The following REG3A variants were observed in gnomAD, a reference collection of about 807,000 sequenced individuals.
REG3A encodes the protein regenerating islet-derived protein 3-alpha.
REG3A carries 15 observed loss-of-function variants against 20.5 expected under a neutral mutation model. The observed-to-expected ratio is 0.73, with a 90% confidence interval of 0.49 to 1.12. The LOEUF (loss-of-function observed/expected upper bound fraction) is 1.12, where lower values mean the gene tolerates loss of function less well. Among genes scored for constraint, REG3A ranks in the 50% most tolerant of loss-of-function variants. REG3A has a pLI of 0.00. For missense variants in REG3A, 224 were observed against 213.1 expected, an observed-to-expected ratio of 1.05 and a Z score of -0.32; for synonymous variants, 93 against 83.2, an observed-to-expected ratio of 1.12 and a Z score of -0.64.
In REG3A at chr2:79,159,277, G is replaced by A. The variant is rs573422152; in HGVS notation, c.76+53C>T. On this transcript the variant is annotated intron_variant, in intron 2 of 5. Transcript: ENST00000305165. ...GACACACAGGAGCCTTCCTCCTCTT[G>A]TTAGCTCTGAGGATTCATAGGGAAC... 1.1e-5 allele frequency: 18 copies of A among 1,573,390 alleles called. No individual in the cohort carries two copies. The African/African-American group carries it at 1.9e-4, about 17-fold the overall frequency.
intron 5 of REG3A, 72 bp from the exon 6 acceptor site, chr2:79,157,365 T>C (rs1402438086): frequency 6.6e-7 from 1 of 1,513,012 alleles, no homozygotes; most frequent in East Asian, 2.3e-5. Flanking sequence ...GCATCCCAGG[T>C]TTTAGCCTAG....
rs1158606988 is a variant in REG3A, at chr2:79,159,338, T to C, written c.68A>G (p.Gln23Arg). Reference protein sequence around the residue: ...MLLSCLMLLSQVQGEEPQREL... With the variant: ...MLLSCLMLLSRVQGEEPQREL... ...AGGCAAAGCAATCTCACCTTGAACC[T>C]GAGACAGCAGCATGAGGCAGGAAAG... is the stretch of plus-strand genomic sequence containing the variant. The change falls in exon 2 of 6, where the codon CAG (glutamine) becomes CGG (arginine). Residue 23 changes from glutamine (Q) to arginine (R), a missense_variant. Gln to Arg is a conservative substitution (Grantham distance 43). Coordinates refer to ENST00000305165, the MANE Select transcript of REG3A (RefSeq NM_002580.3). 1.2e-6 allele frequency: 2 copies of C among 1,613,708 alleles called. No individual in the cohort carries two copies. The highest frequency in any genetic ancestry group is 2.7e-5 in the African/African-American group (2 of 74,800).
intron 2 of REG3A, 113 bp from the exon 3 acceptor site, chr2:79,158,882 C>G: frequency 1.4e-6 from 1 of 738,910 alleles, no homozygotes; most frequent in South Asian, 1.8e-5. Flanking sequence ...ATTCCTGACA[C>G]CCCTTCATCT....
intron 3 of REG3A, 33 bp from the exon 4 acceptor site, chr2:79,158,496 C>A (rs766797789): frequency 9.9e-6 from 16 of 1,612,822 alleles, no homozygotes; most frequent in Non-Finnish European, 1.3e-5. Context: ...GAGAGGGAGC[C>A]TGAGACCTGC....
intron 2 of REG3A, 162 bp from the exon 3 acceptor site, chr2:79,158,931 C>G (rs747782839): frequency 1.6e-6 from 1 of 625,824 alleles, no homozygotes; most frequent in Non-Finnish European, 2.8e-6. Context: ...TCAAAATAGC[C>G]GTAGTAAATG....
In REG3A at chr2:79,158,368, G is replaced by C. The variant is rs1673363485; in HGVS notation, c.291C>G (p.Asn97Lys). ...GCCCAATCCAGACGTATGAGTAGCT[G>C]TTACCAATGCTCTTCACCAGGGAGG... The part of the protein sequence containing the change: ...FVSSLVKSIG[N>K]SYSYVWIGLH... Residue 97 changes from asparagine to lysine, a missense_variant, in exon 4 of 6, where the codon AAC becomes AAG. By Grantham distance (94) the Asn-to-Lys change is moderately conservative. Transcript: ENST00000305165. The C allele has an allele frequency of 1.2e-6, 2 of 1,614,134 alleles. No individual in the cohort carries two copies. Among genetic ancestry groups the C allele is most frequent in the Non-Finnish European group, 1.7e-6 (2 of 1,180,016 alleles).
In REG3A at chr2:79,158,348, A is replaced by G. The variant is rs141838256; in HGVS notation, c.311T>C (p.Ile104Thr). 5 of 1,613,976 alleles carry G rather than the reference A, an allele frequency of 3.1e-6. No homozygotes were observed. In the African/African-American group the frequency reaches 5.3e-5, roughly 17 times the overall value. ...CACCTGTGTGGGGTCATGGAGCCCA[A>G]TCCAGACGTATGAGTAGCTGTTACC... The part of the protein sequence containing the change: ...SIGNSYSYVW[I>T]GLHDPTQGTE... Residue 104 changes from isoleucine (I) to threonine (T), a missense_variant, in exon 4 of 6, where the codon ATT becomes ACT. By Grantham distance (89) the Ile-to-Thr change is moderately conservative. Transcript: ENST00000305165.
At chr2:79,158,868 C>A (rs563327404) in intron 2 of REG3A, 99 bp from the exon 3 acceptor site, 5 of 874,254 alleles carry the variant, frequency 5.7e-6, no homozygotes, top group African/African-American at 3.4e-5. Flanking sequence ...GGGAGGAAGA[C>A]CACATTCCTG....
At position 79,157,136 on chromosome 2, in the gene REG3A, G is replaced by A. The variant is rs1030329756; in HGVS notation, c.*90C>T. On this transcript the variant is annotated 3_prime_UTR_variant, in exon 6 of 6. Transcript: ENST00000305165. ...GGTGGTCAGGTTGGGGGAATTAAGC[G>A]AATATTCTCTTCCAGGGTGAGTCCT... is the stretch of plus-strand genomic sequence containing the variant. 1.7e-5 allele frequency: 17 copies of A among 999,740 alleles called. No individual in the cohort carries two copies. Among genetic ancestry groups the A allele is most frequent in the African/African-American group, 3.2e-5 (2 of 63,008 alleles). 61.9% of individuals were successfully genotyped at this position (999,740 alleles called of 1,614,324 possible).
intron 1 of REG3A, 74 bp downstream of exon 1, chr2:79,159,654 C>A (rs1673404071): frequency 2.0e-6 from 1 of 506,406 alleles, no homozygotes; most frequent in Admixed American, 3.2e-5. Context: ...GAGGAAGGGA[C>A]CCTCCCATGT....
In REG3A at chr2:79,159,456, C is replaced by A; in HGVS notation, c.-34-17G>T. The A allele has an allele frequency of 6.3e-7, 1 of 1,581,444 alleles. No homozygotes were observed. Among genetic ancestry groups the A allele is most frequent in the Non-Finnish European group, 8.7e-7 (1 of 1,150,912 alleles). ...CAGGAGTCACTAAAGAAAGCGTGGT[C>A]AGTGGGAGAACACACAGATACCCCA... On this transcript the variant is annotated splice_polypyrimidine_tract_variant and intron_variant, in intron 1 of 5. Transcript: ENST00000305165.
At chr2:79,158,150 C>T (rs1328896619) in intron 4 of REG3A, among the ~76,000 whole-genome samples, 176 bp downstream of exon 4, 1 of 152,130 alleles carries the variant, frequency 6.6e-6, no homozygotes. Flanking sequence ...TAGAGACCTC[C>T]ACAGAACTCA....
chr2:79,157,730 G>A, intron 4 of REG3A, 32 bp from the exon 5 acceptor site: 28 of 1,605,912 alleles, frequency 1.7e-5, no homozygotes, highest in Non-Finnish European at 2.4e-5. Context: ...CAGGTGAAGG[G>A]AATGGCCATT....
At chr2:79,157,474 T>A (rs756501325) in intron 5 of REG3A, 98 bp downstream of exon 5, 12 of 1,529,966 alleles carry the variant, frequency 7.8e-6, no homozygotes, top group Non-Finnish European at 1.1e-5. Flanking sequence ...CACACTAACA[T>A]TGTATTTTCT....
At position 79,159,347 on chromosome 2, in the gene REG3A, A is replaced by T. The variant is rs1302690830; in HGVS notation, c.59T>A (p.Leu20Gln). The T allele has an allele frequency of 8.1e-6, 13 of 1,613,892 alleles. No individual in the cohort carries two copies. Among genetic ancestry groups the T allele is most frequent in the Non-Finnish European group, 1.1e-5 (13 of 1,179,998 alleles). Residue 20 changes from leucine (L) to glutamine (Q), a missense_variant, in exon 2 of 6, where the codon CTG (leucine) becomes CAG (glutamine). Physicochemically the swap from Leu to Gln is moderately radical, Grantham distance 113. Transcript: ENST00000305165. The stretch of plus-strand genomic sequence containing the variant: ...AATCTCACCTTGAACCTGAGACAGC[A>T]GCATGAGGCAGGAAAGCAGCATCCA... ...VSWMLLSCLMLLSQVQGEEPQ... is the reference protein window; with the variant it reads ...VSWMLLSCLMQLSQVQGEEPQ...
chr2:79,159,330 CT>C lies in REG3A; in HGVS notation c.75del (p.Gly26ValfsTer67). On this transcript the variant is annotated frameshift_variant and splice_region_variant, in exon 2 of 6. Transcript: ENST00000305165. LOFTEE classifies it high-confidence loss of function. ...AGTGCTAGAGGCAAAGCAATCTCAC[CT>C]TGAACCTGAGACAGCAGCATGAGGC... ...LSCLMLLSQV[Q>X]GEEPQRELPS... 1 of 1,613,890 alleles carries C rather than the reference CT, an allele frequency of 6.2e-7. No individual in the cohort carries two copies.
At position 79,158,663 on chromosome 2, in the gene REG3A, C is replaced by T. The variant is rs961991836; in HGVS notation, c.183G>A (p.Trp61Ter). 1.9e-6 allele frequency: 3 copies of T among 1,614,062 alleles called. No individual in the cohort carries two copies. Among genetic ancestry groups the T allele is most frequent in the Admixed American group, 1.7e-5 (1 of 60,008 alleles). ...TCTAACCACTCACATCTGCATCTGT[C>T]CAGGATTTTGGTGACAAAAACAAGG... ...CYALFLSPKS[W>*]TDADLACQKR... Residue 61 changes from tryptophan (W) to a stop codon, truncating the protein, a stop_gained, in exon 3 of 6, where the codon TGG becomes TGA. Transcript: ENST00000305165. LOFTEE classifies it high-confidence loss of function.
At chr2:79,159,566 GT>G in intron 1 of REG3A, 127 bp from the exon 2 acceptor site, 1 of 700,282 alleles carries the variant, frequency 1.4e-6, no homozygotes, top group Non-Finnish European at 2.5e-6. Context: ...TTCTGAATGA[GT>G]TGTGAATCTG....
chr2:79,157,706 G>C lies in REG3A; in HGVS notation c.334-8C>G. 1 of 1,612,592 alleles carries C rather than the reference G, an allele frequency of 6.2e-7. No homozygotes were observed. On this transcript the variant is annotated splice_polypyrimidine_tract_variant and splice_region_variant and intron_variant, in intron 4 of 5. Coordinates refer to ENST00000305165, the MANE Select transcript of REG3A (RefSeq NM_002580.3). Reference sequence around the variant, plus strand: ...TCCATTGGGCTCGGTGCCCTGTAGAGTAGAGGAGGTAGCCAGGTGAAGGGA... The same window carrying C: ...TCCATTGGGCTCGGTGCCCTGTAGACTAGAGGAGGTAGCCAGGTGAAGGGA...
Sources: allele counts gnomAD v4.1 joint callset (sites outside exome capture counted in the v4.1 genomes callset), GRCh38; gene constraint gnomAD v4.1.1; transcripts MANE v1.5; gene names NCBI Gene and HGNC (gene_info 2026-07-23, HGNC 2026-07-21).